Variants in C19orf38 observed in about 807,000 individuals in gnomAD.
C19orf38 encodes protein HIDE1.
Under a neutral mutation model 26.6 loss-of-function variants are expected in C19orf38, and 14 were observed. The observed-to-expected ratio is 0.53, with a 90% CI of 0.35 to 0.82. The LOEUF is 0.82. C19orf38 is among the 40% of genes least tolerant of loss of function. The probability of loss-of-function intolerance (pLI) is 0.01; values close to 1 mark genes in which losing one functional copy is unlikely to be tolerated. For missense variants in C19orf38, 261 were observed against 299.5 expected (o/e 0.87, Z 0.95); for synonymous variants, 132 against 128.5 (o/e 1.03, Z -0.18).
intron 6 of C19orf38, among the ~76,000 whole-genome samples, chr19:10,865,445 C>A (rs1487383272): frequency 6.6e-6 from 1 of 152,000 alleles, no homozygotes; most frequent in African/African-American, 2.4e-5. Context: ...CCATGCCCGG[C>A]CTTTTATTTG....
intron 5 of C19orf38, 131 bp from the exon 6 acceptor site, chr19:10,863,039 C>T (rs145498544): frequency 1.3e-5 from 12 of 889,712 alleles, no homozygotes; most frequent in Admixed American, 2.2e-5. Flanking sequence ...GTTGGAAAGG[C>T]GCCATAGAGG....
chr19:10,859,242 A>G (rs1407222576), intron 4 of C19orf38, among the ~76,000 whole-genome samples: 25 of 99,320 alleles, frequency 2.5e-4, no homozygotes, highest in African/African-American at 1.1e-3. Context: ...TGGCTTTTAT[A>G]TATGTGTGTG....
rs1176347691 is a variant in C19orf38 at position 10,869,509 on chromosome 19, C to T, written c.*142C>T. ...AGGGGAACCCTGGCCTTGGGATTTT[C>T]ATCACAGAGGAGTGGGAGAGGGGAC... On this transcript the variant is annotated 3_prime_UTR_variant, in exon 7 of 7. Transcript: ENST00000397820. 1 of 1,216,590 alleles carries T rather than the reference C, an allele frequency of 8.2e-7. No homozygotes were observed. Among genetic ancestry groups the T allele is most frequent in the Non-Finnish European group, 1.1e-6 (1 of 902,032 alleles). The allele number at this position is 1,216,590 out of a possible 1,614,324, so 75.4% of individuals were successfully genotyped here.
chr19:10,856,747 G>A (rs903890282), intron 3 of C19orf38, among the ~76,000 whole-genome samples: 12 of 151,446 alleles, frequency 7.9e-5, no homozygotes, highest in Admixed American at 2.0e-4. Flanking sequence ...CAGGTGATCC[G>A]CCCACCTCGG....
chr19:10,849,138 C>T (rs1340460486), intron 1 of C19orf38, among the ~76,000 whole-genome samples: 1 of 151,922 alleles, frequency 6.6e-6, no homozygotes, highest in East Asian at 1.9e-4. Context: ...CCTCACTCAC[C>T]CCCTCCCTCC....
At chr19:10,862,583 A>G (rs2073711327) in intron 5 of C19orf38, among the ~76,000 whole-genome samples, 2 of 151,824 alleles carry the variant, frequency 1.3e-5, no homozygotes, top group African/African-American at 4.8e-5. Context: ...TAATCCCAGC[A>G]TTTTGGGAGG....
intron 1 of C19orf38, among the ~76,000 whole-genome samples, chr19:10,849,277 T>C (rs559755648): frequency 2.0e-5 from 3 of 152,240 alleles, no homozygotes; most frequent in African/African-American, 7.2e-5. Context: ...CACCTTGGCC[T>C]CCCAAAGTGC....
upstream of C19orf38, among the ~76,000 whole-genome samples, chr19:10,844,705 G>A (rs1473292438): frequency 6.6e-6 from 1 of 151,278 alleles, no homozygotes; most frequent in Non-Finnish European, 1.5e-5. Context: ...AAAATTAGCC[G>A]GGCGTGGTGG....
rs1029760779 is a variant in C19orf38 at position 10,842,390 on chromosome 19, A to C, written c.-69+5620A>C. The C allele has an allele frequency of 1.2e-4, 65 of 521,940 alleles. No individual in the cohort carries two copies. The Middle Eastern group carries it at 1.6e-3, about 13-fold the overall frequency. 32.3% of individuals were successfully genotyped at this position (521,940 alleles called of 1,614,324 possible). A position where few individuals can be genotyped will look rare whatever the true frequency, so the allele number is the denominator to read the frequency against. On this transcript the variant is annotated intron_variant, in intron 1 of 7. Transcript: ENST00000592854. ...ATTCTCCTGCCTCAGCCTCCCGAGT[A>C]GCTGGGACTACAGGTGCCCGCCACC...
intron 1 of C19orf38, among the ~76,000 whole-genome samples, chr19:10,837,269 C>T (rs537338830): frequency 6.6e-6 from 1 of 152,262 alleles, no homozygotes; most frequent in East Asian, 1.9e-4. Context: ...CAAAGATAAA[C>T]CCGGAAAAGG....
upstream of C19orf38, among the ~76,000 whole-genome samples, chr19:10,846,017 AT>A (rs34717522): frequency 9.6e-4 from 137 of 143,452 alleles, 1 homozygote; most frequent in African/African-American, 1.5e-3. Flanking sequence ...TGTCTCTACA[AT>A]TTTTTTTTTT....
At chr19:10,853,459 G>A (rs1165181158) in intron 2 of C19orf38, among the ~76,000 whole-genome samples, 1 of 136,684 alleles carries the variant, frequency 7.3e-6, no homozygotes, top group African/African-American at 2.8e-5. Context: ...GCTACTTTTT[G>A]AGTTTTAGTA....
intron 3 of C19orf38, 139 bp from the exon 4 acceptor site, chr19:10,858,177 A>T: frequency 1.3e-6 from 1 of 786,712 alleles, no homozygotes; most frequent in Non-Finnish European, 2.0e-6. Flanking sequence ...GCAGTGAGCC[A>T]AGATTGAGCC....
intron 6 of C19orf38, among the ~76,000 whole-genome samples, chr19:10,864,048 CA>C (rs2073728758): frequency 6.6e-6 from 1 of 152,052 alleles, no homozygotes; most frequent in Middle Eastern, 3.2e-3. Flanking sequence ...CAATATCCCC[CA>C]AAAGCAGAGG....
chr19:10,848,310 T>A, upstream of C19orf38: 1 of 588,474 alleles, frequency 1.7e-6, no homozygotes, highest in Non-Finnish European at 3.1e-6. Context: ...TGATGTGTGT[T>A]TGGGGAAGGG....
At chr19:10,851,969 C>T (rs1368599932) in intron 2 of C19orf38, among the ~76,000 whole-genome samples, 13 of 135,104 alleles carry the variant, frequency 9.6e-5, no homozygotes, top group Admixed American at 1.5e-4. Context: ...AGCGAGACTC[C>T]GTCTCAAAAA....
chr19:10,851,796 G>A (rs1044451898), intron 2 of C19orf38, among the ~76,000 whole-genome samples: 2 of 151,496 alleles, frequency 1.3e-5, no homozygotes, highest in African/African-American at 2.4e-5. Context: ...GTGAAACCCC[G>A]TCTCTACTAA....
chr19:10,858,476 AT>A, intron 4 of C19orf38, 133 bp downstream of exon 4: 1 of 841,744 alleles, frequency 1.2e-6, no homozygotes, highest in Non-Finnish European at 1.9e-6. Flanking sequence ...AACAGGAGCC[AT>A]TTATTAAGTG....
chr19:10,864,602 G>T (rs2073734503), intron 6 of C19orf38, among the ~76,000 whole-genome samples: 1 of 152,180 alleles, frequency 6.6e-6, no homozygotes, highest in South Asian at 2.1e-4. Flanking sequence ...GGTGGCTTCT[G>T]CAGGAGGACA....
Sources: allele counts gnomAD v4.1 joint callset (sites outside exome capture counted in the v4.1 genomes callset), GRCh38; gene constraint gnomAD v4.1.1; transcripts MANE v1.5; gene names NCBI Gene and HGNC (gene_info 2026-07-23, HGNC 2026-07-21).